COG5: variants seen among roughly 807,000 people sequenced by gnomAD.
The protein encoded by COG5 is component of oligomeric golgi complex 5.
A neutral mutation model predicts 110.4 loss-of-function variants in COG5; 86 were observed. The ratio of observed to expected loss-of-function variants is 0.78; its 90% CI spans 0.65 to 0.93. The LOEUF (loss-of-function observed/expected upper bound fraction) is 0.93, where lower values mean the gene tolerates loss of function less well. COG5 is among the 40% of genes least tolerant of loss of function. The pLI is 0.00. For missense variants in COG5, 1,077 were observed against 987.0 expected, an observed-to-expected ratio of 1.09 and a Z score of -1.22; for synonymous variants, 360 against 334.6, an observed-to-expected ratio of 1.08 and a Z score of -0.83.
chr7:107,502,683 T>C (rs542541183), intron 6 of COG5, among the ~76,000 whole-genome samples: 1 of 152,196 alleles, frequency 6.6e-6, no homozygotes, highest in Admixed American at 6.5e-5. Flanking sequence ...CTATTGTATT[T>C]TGACTTTCTA....
intron 12 of COG5, among the ~76,000 whole-genome samples, chr7:107,297,149 G>C (rs972404359): frequency 4.3e-4 from 66 of 152,194 alleles, no homozygotes; most frequent in Middle Eastern, 3.4e-3. Flanking sequence ...CTCCATTTCT[G>C]CAAATTCTAC....
chr7:107,271,313 C>G (rs1804250772), intron 14 of COG5, among the ~76,000 whole-genome samples: 1 of 152,048 alleles, frequency 6.6e-6, no homozygotes, highest in South Asian at 2.1e-4. Context: ...ATCAATTGAT[C>G]AAATTTTTTT....
At chr7:107,424,020 C>T (rs1270615486) in intron 6 of COG5, among the ~76,000 whole-genome samples, 1 of 152,132 alleles carries the variant, frequency 6.6e-6, no homozygotes, top group Non-Finnish European at 1.5e-5. Flanking sequence ...CATCCATAAT[C>T]CTGACACTTC....
At position 107,296,581 on chromosome 7, in the gene COG5, C is replaced by CTTT. The variant is rs35340234; in HGVS notation, c.1313+1558_1313+1560dup. On this transcript the variant is annotated intron_variant, in intron 12 of 21. Transcript: ENST00000297135. ...ATTTATTTTGCCAGTCAAAACTACT[C>CTTT]TTTTTTTTTTTTTTTTTTTTTAAAG... is the stretch of plus-strand genomic sequence containing the variant. Among the ~76,000 whole-genome samples, 70 of 123,480 alleles carry CTTT rather than the reference C, an allele frequency of 5.7e-4. 1 individual carries two copies. The highest frequency in any genetic ancestry group is 8.4e-4 in the Non-Finnish European group (51 of 60,392). The allele number at this position is 123,480 out of a possible 152,430, so 81.0% of individuals were successfully genotyped here.
chr7:107,271,582 A>G (rs1168497311), intron 14 of COG5, among the ~76,000 whole-genome samples: 1 of 152,114 alleles, frequency 6.6e-6, no homozygotes, highest in African/African-American at 2.4e-5. Context: ...ATAGCCTTTT[A>G]TAAAGTAAAT....
chr7:107,475,520 A>G, intron 6 of COG5: 1 of 501,994 alleles, frequency 2.0e-6, no homozygotes, highest in East Asian at 3.1e-5. Context: ...TATATATTCA[A>G]TTTCTTCATT....
intron 21 of COG5, chr7:107,209,291 G>A: frequency 8.3e-6 from 8 of 962,932 alleles, no homozygotes; most frequent in Non-Finnish European, 9.9e-6. Flanking sequence ...GAATGATGAT[G>A]TAAAGGTTTT....
chr7:107,263,687 AAATTT>A (rs1442601769), intron 14 of COG5, among the ~76,000 whole-genome samples: 1 of 152,224 alleles, frequency 6.6e-6, no homozygotes, highest in Non-Finnish European at 1.5e-5. Flanking sequence ...CTATTTTTTA[AAATTT>A]AATTATCTGA....
chr7:107,539,765 A>G (rs1801843222), intron 5 of COG5, among the ~76,000 whole-genome samples: 1 of 152,218 alleles, frequency 6.6e-6, no homozygotes, highest in South Asian at 2.1e-4. Context: ...ACTTCTAACA[A>G]TGATGGAATA....
At chr7:107,493,468 C>G (rs1207881511) in intron 6 of COG5, among the ~76,000 whole-genome samples, 1 of 152,134 alleles carries the variant, frequency 6.6e-6, no homozygotes, top group African/African-American at 2.4e-5. Context: ...CCTTACTTCT[C>G]TTGAAATCAA....
Position 107,412,352 on chromosome 7 carries a change from CGAT to C in COG5, c.669+147_669+149del, listed in dbSNP as rs74273563. ...AAACATATATTAAAATTTCCCTTAA[CGAT>C]GACCCATTCTTTGATTTAAATTGTA... On this transcript the variant is annotated intron_variant, in intron 7 of 21. Coordinates refer to ENST00000297135, the MANE Select transcript of COG5 (RefSeq NM_006348.5). 136,415 of 658,894 alleles carry C rather than the reference CGAT, an allele frequency of 0.21. 15,637 individuals carry two copies. The highest frequency in any genetic ancestry group is 0.3 in the East Asian group (10,380 of 34,526). 40.8% of individuals were successfully genotyped at this position (658,894 alleles called of 1,614,324 possible).
rs1243460444 is a variant in COG5, at chr7:107,563,793, G to A, written c.94+10C>T. 7 of 1,613,804 alleles carry A rather than the reference G, an allele frequency of 4.3e-6. No individual in the cohort carries two copies. Among genetic ancestry groups the A allele is most frequent in the South Asian group, 1.1e-5 (1 of 91,058 alleles). ...CAACCCCACGACCTGGTCAGACCCC[G>A]TCTCCTTACCGTCCTGCAGAAGTTC... is the stretch of plus-strand genomic sequence containing the variant. On this transcript the variant is annotated intron_variant, in intron 1 of 21. Transcript: ENST00000297135.
At chr7:107,503,913 T>C (rs915182935) in intron 6 of COG5, among the ~76,000 whole-genome samples, 1 of 151,954 alleles carries the variant, frequency 6.6e-6, no homozygotes, top group Non-Finnish European at 1.5e-5. Context: ...GGGTTTTTCA[T>C]GTATACAATC....
rs1803006097 is a variant in COG5 at position 107,257,939 on chromosome 7, T to A, written c.1686+334A>T. Among the ~76,000 whole-genome samples, 2 of 152,188 alleles carry A rather than the reference T, an allele frequency of 1.3e-5. 1 individual carries two copies. Among genetic ancestry groups the A allele is most frequent in the South Asian group, 4.1e-4 (2 of 4,834 alleles). ...TCTTATTCTGTCATTAGCTTTGCTA[T>A]AATTTACTACCATCCACAGTGTATC... On this transcript the variant is annotated intron_variant, in intron 15 of 21. Coordinates refer to ENST00000297135, the MANE Select transcript of COG5 (RefSeq NM_006348.5).
intron 10 of COG5, among the ~76,000 whole-genome samples, chr7:107,349,071 A>G (rs1811893621): frequency 6.6e-6 from 1 of 152,164 alleles, no homozygotes; most frequent in African/African-American, 2.4e-5. Context: ...TGGATTGTAC[A>G]TTGTTAATAT....
intron 21 of COG5, chr7:107,209,355 G>C (rs1205878164): frequency 3.1e-6 from 1 of 326,078 alleles, no homozygotes; most frequent in African/African-American, 2.2e-5. Context: ...GGGAGTATAA[G>C]AGAATGAGAA....
At chr7:107,320,232 T>C (rs1401684849) in intron 11 of COG5, among the ~76,000 whole-genome samples, 1 of 152,218 alleles carries the variant, frequency 6.6e-6, no homozygotes, top group African/African-American at 2.4e-5. Flanking sequence ...TTACCTACCT[T>C]ATGCTGGAAT....
chr7:107,248,873 T>C (rs567263005), intron 16 of COG5, among the ~76,000 whole-genome samples: 5 of 152,350 alleles, frequency 3.3e-5, no homozygotes, highest in African/African-American at 1.2e-4. Flanking sequence ...AAAGTAATTA[T>C]TTAAGAATTG....
intron 21 of COG5, chr7:107,208,504 T>G: frequency 4.1e-6 from 4 of 985,438 alleles, no homozygotes; most frequent in Non-Finnish European, 4.8e-6. Flanking sequence ...ATCCTCTTTT[T>G]AAGACGACTG....
Sources: gnomAD v4.1 joint callset for allele counts (sites outside exome capture counted in the v4.1 genomes callset) on GRCh38, gnomAD v4.1.1 for gene constraint, MANE v1.5 for transcripts, NCBI Gene and HGNC (gene_info 2026-07-23, HGNC 2026-07-21) for gene names.